The following ADAMTS2 variants were observed in gnomAD, a reference collection of about 807,000 sequenced individuals.
ADAMTS2 encodes the protein ADAM metallopeptidase with thrombospondin type 1 motif 2, also known as A disintegrin and metalloproteinase with thrombospondin motifs 2.
In ADAMTS2, 50 loss-of-function variants were observed where a neutral mutation model predicts 123.0. That is an observed-to-expected ratio of 0.41 (90% CI 0.32 to 0.51). The LOEUF is 0.51. Among genes scored for constraint, ADAMTS2 ranks in the 20% least tolerant of loss-of-function variants. The pLI is 0.35. For synonymous variants in ADAMTS2, 678 were observed against 695.4 expected (o/e 0.98, Z 0.39); for missense variants, 1,494 against 1,705.2 (o/e 0.88, Z 2.18).
At chr5:179,274,646 C>T (rs1184076239) in intron 2 of ADAMTS2, among the ~76,000 whole-genome samples, 2 of 152,232 alleles carry the variant, frequency 1.3e-5, no homozygotes, top group South Asian at 4.1e-4. Context: ...CCCAGGTGCT[C>T]GGTGAGCCCC....
At chr5:179,293,365 A>C (rs1382058343) in intron 2 of ADAMTS2, among the ~76,000 whole-genome samples, 1 of 152,246 alleles carries the variant, frequency 6.6e-6, no homozygotes, top group African/African-American at 2.4e-5. Context: ...ATCAGGCTTG[A>C]AGTGAAAACT....
At chr5:179,233,392 A>G (rs1765455725) in intron 3 of ADAMTS2, among the ~76,000 whole-genome samples, 1 of 149,150 alleles carries the variant, frequency 6.7e-6, no homozygotes, top group African/African-American at 2.5e-5. Context: ...ATTAAAAAAC[A>G]AAAACAGCCC....
chr5:179,138,405 C>T (rs965662898), intron 11 of ADAMTS2, among the ~76,000 whole-genome samples: 13 of 152,174 alleles, frequency 8.5e-5, no homozygotes, highest in African/African-American at 2.7e-4. Flanking sequence ...CATGCTGAGG[C>T]CCCAGAGTCC....
At chr5:179,310,232 C>A (rs1756792267) in intron 2 of ADAMTS2, among the ~76,000 whole-genome samples, 2 of 152,262 alleles carry the variant, frequency 1.3e-5, no homozygotes, top group African/African-American at 2.4e-5. Context: ...CCTCCTCCCC[C>A]ACCAGGCTGC....
In ADAMTS2 at chr5:179,180,014, C is replaced by T. The variant is rs192144798; in HGVS notation, c.975+1058G>A. 6.8e-4 allele frequency among the ~76,000 whole-genome samples: 103 copies of T among 152,246 alleles called. No homozygotes were observed. Among genetic ancestry groups the T allele is most frequent in the African/African-American group, 2.4e-3 (101 of 41,538 alleles). ...CCTGACTCCTCGGGTGCTGGATGGC[C>T]CTGGCTGCTTACCTGGGCATGTCAC... On this transcript the variant is annotated intron_variant, in intron 5 of 21. Transcript: ENST00000251582. The surrounding 1 kb of genome is among the most constrained non-coding windows in gnomAD (Gnocchi z 4.6).
chr5:179,207,500 C>G lies in ADAMTS2; in HGVS notation c.891+13G>C. ...TCCCCGCCCCACCCTGCCCCCTCAG[C>G]CACCCCACTCACAATGTTCATGAGT... On this transcript the variant is annotated intron_variant, in intron 4 of 21. Coordinates refer to ENST00000251582, the MANE Select transcript of ADAMTS2 (RefSeq NM_014244.5). The G allele has an allele frequency of 6.4e-7, 1 of 1,569,918 alleles. No individual in the cohort carries two copies. Among genetic ancestry groups the G allele is most frequent in the Non-Finnish European group, 8.7e-7 (1 of 1,144,080 alleles).
At chr5:179,167,539 G>C (rs115265071) in intron 5 of ADAMTS2, among the ~76,000 whole-genome samples, 24 of 152,286 alleles carry the variant, frequency 1.6e-4, no homozygotes, top group Non-Finnish European at 2.5e-4. Flanking sequence ...GGAGGAAACC[G>C]GGATGGGGAT....
intron 4 of ADAMTS2, among the ~76,000 whole-genome samples, chr5:179,182,821 G>T (rs1032715055): frequency 1.9e-4 from 29 of 152,282 alleles, no homozygotes; most frequent in Admixed American, 5.9e-4. Flanking sequence ...CGTCTGGGGA[G>T]GGTGGGTCAG....
At chr5:179,321,743 A>T (rs1431958112) in intron 2 of ADAMTS2, among the ~76,000 whole-genome samples, 1 of 150,408 alleles carries the variant, frequency 6.6e-6, no homozygotes, top group African/African-American at 2.5e-5. Flanking sequence ...CAGCTGCCAG[A>T]CTCCTTCCAA....
At chr5:179,231,592 G>T (rs1007220830) in intron 3 of ADAMTS2, among the ~76,000 whole-genome samples, 2 of 152,146 alleles carry the variant, frequency 1.3e-5, no homozygotes, top group Non-Finnish European at 2.9e-5. Flanking sequence ...GCAGAGAAGA[G>T]GATGAGAATT....
chr5:179,237,298 T>A (rs1561615809), intron 3 of ADAMTS2, among the ~76,000 whole-genome samples: 1 of 151,980 alleles, frequency 6.6e-6, no homozygotes, highest in Non-Finnish European at 1.5e-5. Flanking sequence ...AGAAATAACA[T>A]AAAAGAGGCC....
intron 3 of ADAMTS2, among the ~76,000 whole-genome samples, chr5:179,259,037 G>A (rs757369471): frequency 5.6e-4 from 85 of 152,016 alleles, no homozygotes; most frequent in Non-Finnish European, 1.1e-3. Flanking sequence ...TGCCTCTTCC[G>A]TGCTCACCCT....
intron 2 of ADAMTS2, among the ~76,000 whole-genome samples, chr5:179,322,313 G>A (rs373886492): frequency 5.9e-4 from 90 of 152,308 alleles, no homozygotes; most frequent in South Asian, 1.0e-3. Flanking sequence ...CCCACGGCCC[G>A]TGCCTTCTTT....
intron 2 of ADAMTS2, among the ~76,000 whole-genome samples, chr5:179,286,734 G>A (rs752477454): frequency 5.3e-4 from 81 of 152,152 alleles, no homozygotes; most frequent in Non-Finnish European, 9.1e-4. Flanking sequence ...AGCACAGGCC[G>A]GGGCTTGAAT....
rs904025855 is a variant in ADAMTS2, at chr5:179,113,670, G to A, written c.*197C>T. ...GCCACCACAGTATTTGGTCGCTCCT[G>A]GGCTGGGAAGCACACGTGCTAACCT... On this transcript the variant is annotated 3_prime_UTR_variant, in exon 22 of 22. Transcript: ENST00000251582. The A allele has an allele frequency of 1.6e-6, 1 of 636,066 alleles. No individual in the cohort carries two copies. Among genetic ancestry groups the A allele is most frequent in the Non-Finnish European group, 2.8e-6 (1 of 363,558 alleles). 39.4% of individuals were successfully genotyped at this position (636,066 alleles called of 1,614,324 possible). A position where few individuals can be genotyped will look rare whatever the true frequency, so the allele number is the denominator to read the frequency against.
intron 2 of ADAMTS2, among the ~76,000 whole-genome samples, chr5:179,279,211 G>T (rs1288003163): frequency 2.0e-5 from 3 of 152,004 alleles, no homozygotes; most frequent in Non-Finnish European, 4.4e-5. Flanking sequence ...GGTTGCAGTG[G>T]CAACAATCAA....
intron 5 of ADAMTS2, among the ~76,000 whole-genome samples, chr5:179,176,362 G>C (rs1184562139): frequency 6.6e-6 from 1 of 152,036 alleles, no homozygotes; most frequent in Non-Finnish European, 1.5e-5. Context: ...GCTACCCCCA[G>C]CTCCAGACCC....
intron 3 of ADAMTS2, among the ~76,000 whole-genome samples, chr5:179,216,679 C>T (rs546225261): frequency 1.3e-5 from 2 of 152,384 alleles, no homozygotes; most frequent in Admixed American, 1.3e-4. Flanking sequence ...CTCCGGGAGC[C>T]TCCATCCAGC....
intron 3 of ADAMTS2, among the ~76,000 whole-genome samples, chr5:179,247,266 A>G (rs1333128739): frequency 6.6e-6 from 1 of 152,210 alleles, no homozygotes; most frequent in Non-Finnish European, 1.5e-5. Context: ...ATTTCAATAG[A>G]TCAGTTCAAT....
Sources: allele counts gnomAD v4.1 joint callset (sites outside exome capture counted in the v4.1 genomes callset), GRCh38; gene constraint gnomAD v4.1.1; non-coding constraint Gnocchi (gnomAD v3.1); transcripts MANE v1.5; gene names NCBI Gene and HGNC (gene_info 2026-07-23, HGNC 2026-07-21).